Variants in WASHC5 observed in about 807,000 individuals in gnomAD.
WASHC5 encodes WASH complex subunit 5, also known as WASH complex subunit strumpellin.
In WASHC5, 101 loss-of-function variants were observed where a neutral mutation model predicts 150.4. That is an observed-to-expected ratio of 0.67 (90% CI 0.57 to 0.79). WASHC5 has a LOEUF of 0.79. Among genes scored for constraint, WASHC5 ranks in the 30% least tolerant of loss-of-function variants. The pLI is 0.00. For synonymous variants in WASHC5, 467 were observed against 491.2 expected (o/e 0.95, Z 0.65); for missense variants, 1,195 against 1,396.3 (o/e 0.86, Z 2.30).
At position 125,067,670 on chromosome 8, in the gene WASHC5, T is replaced by C; in HGVS notation, c.1200A>G (p.Leu400=). ...TCCTGGGATTGTACCGAGAGTCTGT[T>C]AGAATCTGGTCCTTGATTTGACGAA... ...KRLRQIKDQI[L]TDSRYNPRIL... is the part of the protein sequence containing the mutation. Residue 400 remains leucine (L), a synonymous_variant, in exon 10 of 29, where the codon CTA becomes CTG. Coordinates refer to ENST00000318410, the MANE Select transcript of WASHC5 (RefSeq NM_014846.4). The C allele has an allele frequency of 6.2e-7, 1 of 1,613,576 alleles. No individual in the cohort carries two copies. The highest frequency in any genetic ancestry group is 8.5e-7 in the Non-Finnish European group (1 of 1,179,518).
intron 15 of WASHC5, 40 bp downstream of exon 15, chr8:125,057,516 T>C (rs1816444459): frequency 7.7e-7 from 1 of 1,295,106 alleles, no homozygotes; most frequent in South Asian, 1.2e-5. Context: ...AAACAGCAGT[T>C]ATCTGGCAAG....
intron 11 of WASHC5, among the ~76,000 whole-genome samples, chr8:125,061,568 G>A (rs1816596194): frequency 6.6e-6 from 1 of 152,140 alleles, no homozygotes; most frequent in African/African-American, 2.4e-5. Flanking sequence ...ATGAAGAAGG[G>A]AATTGTATCC....
At chr8:125,033,443 C>T (rs1815600599) in intron 26 of WASHC5, among the ~76,000 whole-genome samples, 1 of 151,812 alleles carries the variant, frequency 6.6e-6, no homozygotes, top group Non-Finnish European at 1.5e-5. Context: ...ATACTGTACA[C>T]AAAAAACAAT....
chr8:125,079,047 C>T (rs1817153755), intron 5 of WASHC5, 117 bp from the exon 6 acceptor site: 3 of 796,270 alleles, frequency 3.8e-6, no homozygotes, highest in Non-Finnish European at 6.3e-6. Flanking sequence ...GATATGATCA[C>T]AGGTCCATCT....
chr8:125,071,221 C>T (rs962045523), intron 9 of WASHC5, among the ~76,000 whole-genome samples: 1 of 152,184 alleles, frequency 6.6e-6, no homozygotes, highest in Non-Finnish European at 1.5e-5. Context: ...TGAGGGAATG[C>T]ATTGGTTAAT....
At chr8:125,063,784 T>C (rs1816670775) in intron 10 of WASHC5, 133 bp from the exon 11 acceptor site, 1 of 774,586 alleles carries the variant, frequency 1.3e-6, no homozygotes, top group African/African-American at 1.7e-5. Context: ...TTGACCCTGA[T>C]GTCATCTCCT....
At chr8:125,027,301 A>G (rs1345868997) in intron 28 of WASHC5, among the ~76,000 whole-genome samples, 1 of 152,248 alleles carries the variant, frequency 6.6e-6, no homozygotes, top group African/African-American at 2.4e-5. Flanking sequence ...TCATTATTCA[A>G]AAAAGATACC....
At chr8:125,032,862 AAG>A (rs35843611) in intron 26 of WASHC5, 37,254 of 183,536 alleles carry the variant, frequency 0.2, 4,286 homozygotes, top group Admixed American at 0.34. Flanking sequence ...TGCAGAAATC[AAG>A]AGAGTGGAAG....
intron 25 of WASHC5, among the ~76,000 whole-genome samples, chr8:125,038,126 A>T (rs1430959622): frequency 6.6e-6 from 1 of 152,238 alleles, no homozygotes; most frequent in East Asian, 1.9e-4. Flanking sequence ...TGCAGTAAAT[A>T]TTCAAGACAT....
At chr8:125,043,110 G>A (rs16900253) in intron 23 of WASHC5, among the ~76,000 whole-genome samples, 4,370 of 152,210 alleles carry the variant, frequency 0.029, 208 homozygotes, top group African/African-American at 0.099. Context: ...TAAGGAGACC[G>A]GTCATGTTTC....
intron 12 of WASHC5, among the ~76,000 whole-genome samples, chr8:125,060,400 C>A (rs565294173): frequency 2.0e-5 from 3 of 151,696 alleles, no homozygotes; most frequent in African/African-American, 7.3e-5. Context: ...GCAGGACAAT[C>A]GCTGGAACCC....
intron 17 of WASHC5, among the ~76,000 whole-genome samples, chr8:125,054,032 T>C (rs2130071506): frequency 6.6e-6 from 1 of 152,298 alleles, no homozygotes; most frequent in South Asian, 2.1e-4. Flanking sequence ...GAATAGTAAA[T>C]ACACCACGGT....
At chr8:125,043,188 G>A (rs1815947074) in intron 23 of WASHC5, among the ~76,000 whole-genome samples, 1 of 152,202 alleles carries the variant, frequency 6.6e-6, no homozygotes, top group Non-Finnish European at 1.5e-5. Context: ...AATGGGCTGT[G>A]ATGATCTCAG....
At chr8:125,086,567 A>G (rs1817426827) in intron 1 of WASHC5, among the ~76,000 whole-genome samples, 1 of 152,210 alleles carries the variant, frequency 6.6e-6, no homozygotes, top group Non-Finnish European at 1.5e-5. Context: ...CTCCAAATAT[A>G]GTCACATTCT....
chr8:125,027,637 G>A (rs1378276000), intron 28 of WASHC5, among the ~76,000 whole-genome samples: 1 of 152,174 alleles, frequency 6.6e-6, no homozygotes, highest in Non-Finnish European at 1.5e-5. Flanking sequence ...GGAGGGGAGT[G>A]AGGATAAAAT....
chr8:125,055,052 C>T (rs1243245342), intron 17 of WASHC5, among the ~76,000 whole-genome samples: 2 of 151,824 alleles, frequency 1.3e-5, no homozygotes, highest in African/African-American at 4.8e-5. Context: ...TGCAGAACTA[C>T]AAGATAAAGA....
At chr8:125,076,321 T>C (rs375710950) in intron 7 of WASHC5, 27 bp downstream of exon 7, 1 of 1,609,714 alleles carries the variant, frequency 6.2e-7, no homozygotes, top group Non-Finnish European at 8.5e-7. Context: ...ACATTTACTG[T>C]AGAGGAAAAA....
At chr8:125,061,339 A>T in intron 11 of WASHC5, 145 bp from the exon 12 acceptor site, 1 of 594,428 alleles carries the variant, frequency 1.7e-6, no homozygotes, top group Non-Finnish European at 3.0e-6. Context: ...AACGACAAAA[A>T]TGCCTGGAGC....
intron 17 of WASHC5, among the ~76,000 whole-genome samples, chr8:125,051,957 CAT>C (rs550028132): frequency 1.6e-3 from 244 of 152,238 alleles, no homozygotes; most frequent in Admixed American, 3.1e-3. Context: ...AAATTAATGA[CAT>C]ATAGTTTCAC....
Sources: allele counts gnomAD v4.1 joint callset (sites outside exome capture counted in the v4.1 genomes callset), GRCh38; gene constraint gnomAD v4.1.1; transcripts MANE v1.5; gene names NCBI Gene and HGNC (gene_info 2026-07-23, HGNC 2026-07-21).